PVT1: variants seen among roughly 807,000 people sequenced by gnomAD.
The protein encoded by PVT1 is Pvt1 oncogene.
intron 2 of PVT1, among the ~76,000 whole-genome samples, chr8:127,825,614 A>G (rs570044296): frequency 6.6e-6 from 1 of 152,286 alleles, no homozygotes; most frequent in East Asian, 1.9e-4. Flanking sequence ...GGGTACGACC[A>G]TGTTGCATTT....
intron 3 of PVT1, among the ~76,000 whole-genome samples, chr8:127,984,871 T>TTCTTTCTTTCTTTCTTTCTTTC: frequency 2.5e-5 from 2 of 81,106 alleles, no homozygotes; most frequent in East Asian, 6.5e-4. Flanking sequence ...CTTTCTTTCT[T>TTCTTTCTTTCTTTCTTTCTTTC]TCTTTCTTTC....
chr8:128,008,094 A>T (rs1280203895), intron 4 of PVT1, among the ~76,000 whole-genome samples: 1 of 152,256 alleles, frequency 6.6e-6, no homozygotes, highest in African/African-American at 2.4e-5. Context: ...GCCATGTGAC[A>T]ATCGTTGCAT....
At chr8:127,795,387 C>T (rs992725106) in intron 1 of PVT1, among the ~76,000 whole-genome samples, 13 of 152,150 alleles carry the variant, frequency 8.5e-5, no homozygotes, top group Admixed American at 8.5e-4. Context: ...AAGCTGCATG[C>T]GTCTGTGTGT....
At chr8:127,878,787 C>T (rs965213497) in intron 2 of PVT1, among the ~76,000 whole-genome samples, 1 of 152,224 alleles carries the variant, frequency 6.6e-6, no homozygotes, top group Non-Finnish European at 1.5e-5. Flanking sequence ...TACCCACAGC[C>T]TCCCTGGATG....
At chr8:128,003,129 G>A in intron 4 of PVT1, among the ~76,000 whole-genome samples, 1 of 142,680 alleles carries the variant, frequency 7.0e-6, no homozygotes, top group African/African-American at 2.6e-5. Context: ...AGCCTCCCGA[G>A]TAGCTGGGAC....
At chr8:127,905,864 A>G (rs1563635541) in intron 3 of PVT1, among the ~76,000 whole-genome samples, 1 of 152,188 alleles carries the variant, frequency 6.6e-6, no homozygotes, top group Non-Finnish European at 1.5e-5. Flanking sequence ...GCTGGCCTGG[A>G]TTGAATCCTG....
intron 3 of PVT1, among the ~76,000 whole-genome samples, chr8:127,942,364 T>C (rs73359218): frequency 0.019 from 2,894 of 152,252 alleles, 96 homozygotes; most frequent in African/African-American, 0.066. Context: ...AAATCAGGTG[T>C]GATTCTGTTC....
chr8:128,080,540 C>T (rs1814162969), intron 5 of PVT1, among the ~76,000 whole-genome samples: 2 of 152,186 alleles, frequency 1.3e-5, no homozygotes, highest in Admixed American at 1.3e-4. Context: ...TTCTTTTGCT[C>T]ATGTTTTAAC....
intron 2 of PVT1, among the ~76,000 whole-genome samples, chr8:127,862,804 ATTT>A (rs1372554652): frequency 6.6e-6 from 1 of 152,034 alleles, no homozygotes; most frequent in African/African-American, 2.4e-5. Flanking sequence ...TTTATGGCTT[ATTT>A]GTGTTTGTTA....
chr8:127,876,604 G>A (rs1586417798), intron 2 of PVT1, among the ~76,000 whole-genome samples: 1 of 151,452 alleles, frequency 6.6e-6, no homozygotes, highest in South Asian at 2.1e-4. Context: ...AGCATTACCC[G>A]TACACTCTTC....
intron 2 of PVT1, among the ~76,000 whole-genome samples, chr8:127,823,714 G>C (rs550235023): frequency 6.6e-6 from 1 of 152,140 alleles, no homozygotes; most frequent in Non-Finnish European, 1.5e-5. Context: ...ATACTCCCAC[G>C]CCCACACTTA....
intron 3 of PVT1, among the ~76,000 whole-genome samples, chr8:127,938,084 C>T (rs1484171440): frequency 6.6e-6 from 1 of 152,084 alleles, no homozygotes; most frequent in African/African-American, 2.4e-5. Flanking sequence ...TTCAGGCGAC[C>T]TCCTTGGGAT....
intron 5 of PVT1, among the ~76,000 whole-genome samples, chr8:128,074,202 G>C (rs1814048447): frequency 6.6e-6 from 1 of 152,040 alleles, no homozygotes; most frequent in African/African-American, 2.4e-5. Flanking sequence ...GCCACATTTT[G>C]CCCATATAGA....
intron 4 of PVT1, among the ~76,000 whole-genome samples, chr8:128,014,982 T>C (rs773297680): frequency 6.6e-6 from 1 of 152,202 alleles, no homozygotes; most frequent in Non-Finnish European, 1.5e-5. Context: ...TTGTGAGTTG[T>C]GTATCCTTGT....
intron 2 of PVT1, chr8:127,855,369 T>C (rs1271704953): frequency 2.5e-6 from 1 of 395,662 alleles, no homozygotes; most frequent in African/African-American, 2.1e-5. Context: ...TGTGCGGAAA[T>C]TGGATGGCTC....
chr8:127,823,788 C>T (rs1029267057), intron 2 of PVT1, among the ~76,000 whole-genome samples: 1 of 152,232 alleles, frequency 6.6e-6, no homozygotes, highest in Non-Finnish European at 1.5e-5. Flanking sequence ...ACAGTGTTTA[C>T]ATTAAGAGGC....
chr8:127,937,759 T>G (rs1285000937), intron 3 of PVT1, among the ~76,000 whole-genome samples: 1 of 152,064 alleles, frequency 6.6e-6, no homozygotes, highest in Non-Finnish European at 1.5e-5. Flanking sequence ...ATTACAGGAG[T>G]GAGCCTGGCC....
chr8:127,795,252 T>C (rs1287013199), intron 1 of PVT1, among the ~76,000 whole-genome samples: 1 of 152,228 alleles, frequency 6.6e-6, no homozygotes, highest in Non-Finnish European at 1.5e-5. Flanking sequence ...TCCTAAACCC[T>C]CATCATGGTC....
chr8:127,918,076 C>A (rs921462824), intron 3 of PVT1, among the ~76,000 whole-genome samples: 2 of 152,262 alleles, frequency 1.3e-5, no homozygotes, highest in South Asian at 4.1e-4. Context: ...GCTGAGACCT[C>A]ATGCGCTCTG....
Sources: allele counts gnomAD v4.1 joint callset (sites outside exome capture counted in the v4.1 genomes callset), GRCh38; gene constraint gnomAD v4.1.1; transcripts MANE v1.5; gene names NCBI Gene and HGNC (gene_info 2026-07-23, HGNC 2026-07-21).